Variants in BNC2 observed in about 807,000 individuals in gnomAD.
BNC2 encodes zinc finger protein basonuclin-2.
BNC2 carries 20 observed loss-of-function variants against 76.3 expected under a neutral mutation model. That is an observed-to-expected ratio of 0.26 (90% confidence interval 0.18 to 0.38). The LOEUF (loss-of-function observed/expected upper bound fraction) is 0.38. BNC2 is among the 10% of genes least tolerant of loss of function. BNC2 has a pLI of 1.00. For missense variants in BNC2, 1,382 were observed against 1,399.8 expected, an observed-to-expected ratio of 0.99 and a Z score of 0.20; for synonymous variants, 582 against 514.8, an observed-to-expected ratio of 1.13 and a Z score of -1.77.
At chr9:16,449,815 A>G (rs954777358) in intron 5 of BNC2, among the ~76,000 whole-genome samples, 1 of 133,578 alleles carries the variant, frequency 7.5e-6, no homozygotes, top group Non-Finnish European at 1.6e-5. Flanking sequence ...GGTGAAAAGC[A>G]ATGGGAATAA....
At chr9:16,767,409 G>A (rs970577168) in intron 1 of BNC2, among the ~76,000 whole-genome samples, 1 of 152,172 alleles carries the variant, frequency 6.6e-6, no homozygotes, top group Non-Finnish European at 1.5e-5. Flanking sequence ...CCCTAAGGGC[G>A]GTACATGCTA....
At chr9:16,680,876 G>A (rs1358010769) in intron 3 of BNC2, among the ~76,000 whole-genome samples, 1 of 152,132 alleles carries the variant, frequency 6.6e-6, no homozygotes, top group African/African-American at 2.4e-5. Flanking sequence ...TAAGCTACTT[G>A]TGATTAAAAC....
intron 1 of BNC2, among the ~76,000 whole-genome samples, chr9:16,858,142 A>G (rs1819308492): frequency 6.6e-6 from 1 of 152,180 alleles, no homozygotes; most frequent in African/African-American, 2.4e-5. Context: ...TCATGACGGG[A>G]TGTCTAGGAA....
chr9:16,488,376 A>G (rs1358440394), intron 5 of BNC2, among the ~76,000 whole-genome samples: 2 of 152,244 alleles, frequency 1.3e-5, no homozygotes, highest in Non-Finnish European at 2.9e-5. Context: ...AATAGGGTTT[A>G]CGTAACACTA....
chr9:16,678,564 A>T (rs1238801994), intron 3 of BNC2, among the ~76,000 whole-genome samples: 1 of 151,608 alleles, frequency 6.6e-6, no homozygotes, highest in African/African-American at 2.4e-5. Context: ...GCGCCTGGCC[A>T]TGTATCTGTT....
chr9:16,452,721 A>G lies in BNC2; in HGVS notation c.670-15197T>C, dbSNP rs1002645988. Among the ~76,000 whole-genome samples the G allele has an allele frequency of 2.0e-5, 3 of 152,162 alleles. No individual in the cohort carries two copies. The South Asian group carries it at 6.2e-4, about 32-fold the overall frequency. On this transcript the variant is annotated intron_variant, in intron 5 of 6. Transcript: ENST00000380672. ...CACCACGCCTGGCAGAACCATTACA[A>G]TTATAAATGTTCGTGGGCGCATACT... is the stretch of plus-strand genomic sequence containing the variant.
At chr9:16,639,238 A>T (rs1821417274) in intron 3 of BNC2, among the ~76,000 whole-genome samples, 1 of 152,210 alleles carries the variant, frequency 6.6e-6, no homozygotes, top group Non-Finnish European at 1.5e-5. Flanking sequence ...AATAACAGAA[A>T]TAATGAAAAT....
At chr9:16,625,508 G>A (rs1459128571) in intron 3 of BNC2, among the ~76,000 whole-genome samples, 2 of 152,262 alleles carry the variant, frequency 1.3e-5, no homozygotes, top group Non-Finnish European at 1.5e-5. Flanking sequence ...AAAAGAGAAC[G>A]GGGGAAATAA....
chr9:16,725,871 C>A (rs2134952138), intron 3 of BNC2, among the ~76,000 whole-genome samples: 1 of 152,274 alleles, frequency 6.6e-6, no homozygotes, highest in East Asian at 1.9e-4. Flanking sequence ...GCCAAATAAG[C>A]AATCTAACAC....
At chr9:16,781,074 A>C (rs1424681679) in intron 1 of BNC2, among the ~76,000 whole-genome samples, 1 of 152,012 alleles carries the variant, frequency 6.6e-6, no homozygotes, top group East Asian at 1.9e-4. Flanking sequence ...TCTTTTTTTT[A>C]GAGTGGGCAC....
intron 1 of BNC2, among the ~76,000 whole-genome samples, chr9:16,766,468 T>C (rs2135423414): frequency 6.6e-6 from 1 of 152,262 alleles, no homozygotes; most frequent in South Asian, 2.1e-4. Flanking sequence ...AACAATCTAC[T>C]GGGATGGGAA....
chr9:16,694,797 A>G (rs913679621), intron 3 of BNC2, among the ~76,000 whole-genome samples: 2 of 152,076 alleles, frequency 1.3e-5, no homozygotes, highest in Non-Finnish European at 2.9e-5. Flanking sequence ...TCCCCCCTCC[A>G]AGCCTGCTGA....
At chr9:16,841,729 T>C (rs1325171296) in intron 1 of BNC2, among the ~76,000 whole-genome samples, 1 of 151,698 alleles carries the variant, frequency 6.6e-6, no homozygotes, top group Non-Finnish European at 1.5e-5. Context: ...GATTAATCCA[T>C]GAAAAGAGCT....
At chr9:16,803,330 A>G (rs1322727409) in intron 1 of BNC2, among the ~76,000 whole-genome samples, 2 of 152,214 alleles carry the variant, frequency 1.3e-5, no homozygotes, top group Non-Finnish European at 2.9e-5. Context: ...TAGTCATGCT[A>G]TATTTCACCT....
chr9:16,688,343 G>A (rs1444470997), intron 3 of BNC2, among the ~76,000 whole-genome samples: 3 of 152,152 alleles, frequency 2.0e-5, no homozygotes, highest in Admixed American at 2.0e-4. Flanking sequence ...AGAAGCCTCA[G>A]AAGTTAGCCA....
chr9:16,454,674 C>G (rs1821410927), intron 5 of BNC2, among the ~76,000 whole-genome samples: 1 of 152,176 alleles, frequency 6.6e-6, no homozygotes, highest in Non-Finnish European at 1.5e-5. Flanking sequence ...CTTCTGTAAA[C>G]TCAACTACCT....
At chr9:16,539,628 AGGGAGCG>A (rs1818241982) in intron 5 of BNC2, among the ~76,000 whole-genome samples, 3 of 36,874 alleles carry the variant, frequency 8.1e-5, no homozygotes, top group African/African-American at 4.4e-4. Context: ...GAAGGGAGGG[AGGGAGCG>A]AGGGAGGGAG....
At chr9:16,530,152 G>A (rs1563827005) in intron 5 of BNC2, among the ~76,000 whole-genome samples, 1 of 151,926 alleles carries the variant, frequency 6.6e-6, no homozygotes, top group Admixed American at 6.6e-5. Flanking sequence ...AAAAAGTGAA[G>A]TGTTTTTTGT....
chr9:16,670,008 C>A (rs991709673), intron 3 of BNC2, among the ~76,000 whole-genome samples: 3 of 152,166 alleles, frequency 2.0e-5, no homozygotes, highest in Admixed American at 6.5e-5. Context: ...TGTAATTCAA[C>A]TGCTTTTGTT....
Sources: allele counts gnomAD v4.1 joint callset (sites outside exome capture counted in the v4.1 genomes callset), GRCh38; gene constraint gnomAD v4.1.1; transcripts MANE v1.5; gene names NCBI Gene and HGNC (gene_info 2026-07-23, HGNC 2026-07-21).